NEGR1: variants seen among roughly 807,000 people sequenced by gnomAD.
NEGR1 encodes neuronal growth regulator 1, also known as IgLON family member 4.
NEGR1 carries 10 observed loss-of-function variants against 40.9 expected under a neutral mutation model. The ratio of observed to expected loss-of-function variants is 0.24; its 90% CI spans 0.15 to 0.42. The LOEUF is 0.42. Ranked by LOEUF, NEGR1 falls within the 10% of genes least tolerant of loss-of-function variation. The probability of loss-of-function intolerance (pLI) is 1.00; values close to 1 mark genes in which losing one functional copy is unlikely to be tolerated. For synonymous variants in NEGR1, 185 were observed against 166.8 expected, an observed-to-expected ratio of 1.11 and a Z score of -0.84; for missense variants, 352 against 438.9, an observed-to-expected ratio of 0.80 and a Z score of 1.77.
chr1:71,700,868 C>T (rs926009844), intron 3 of NEGR1, among the ~76,000 whole-genome samples: 4 of 151,584 alleles, frequency 2.6e-5, no homozygotes, highest in Non-Finnish European at 5.9e-5. Flanking sequence ...TGCATGAATT[C>T]GTAAAAGTAG....
chr1:71,757,866 G>A (rs924789207), intron 3 of NEGR1, among the ~76,000 whole-genome samples: 1 of 152,016 alleles, frequency 6.6e-6, no homozygotes, highest in South Asian at 2.1e-4. Context: ...TATTCATCAC[G>A]ATCTTTTATT....
chr1:71,692,862 T>G (rs1432068684), intron 4 of NEGR1, among the ~76,000 whole-genome samples: 1 of 151,816 alleles, frequency 6.6e-6, no homozygotes, highest in East Asian at 1.9e-4. Context: ...ACTTTCCTAT[T>G]TATTTGATCA....
intron 5 of NEGR1, among the ~76,000 whole-genome samples, chr1:71,595,155 CTG>C (rs1246500761): frequency 1.3e-5 from 2 of 152,194 alleles, no homozygotes; most frequent in Non-Finnish European, 2.9e-5. Context: ...CATCCATACT[CTG>C]TATGTGTGGG....
At chr1:71,619,078 TA>T (rs1284136655) in intron 4 of NEGR1, among the ~76,000 whole-genome samples, 2 of 152,158 alleles carry the variant, frequency 1.3e-5, no homozygotes, top group Non-Finnish European at 2.9e-5. Flanking sequence ...ATTTGTGCCA[TA>T]AGGATATGGT....
chr1:72,175,770 C>G (rs1168071269), intron 1 of NEGR1, among the ~76,000 whole-genome samples: 1 of 151,916 alleles, frequency 6.6e-6, no homozygotes. Context: ...TATTACAGAA[C>G]CAGACAGCAA....
At position 71,543,560 on chromosome 1, in the gene NEGR1, A is replaced by G. The variant is rs139282233; in HGVS notation, c.940+49257T>C. On this transcript the variant is annotated intron_variant, in intron 6 of 6. Coordinates refer to ENST00000357731, the MANE Select transcript of NEGR1 (RefSeq NM_173808.3). ...GATTCCTTATCAACAGAAAGAAAACATAATGTGGGAGGGCATAATGAGTTG... is the reference window on the plus strand; with the variant it reads ...GATTCCTTATCAACAGAAAGAAAACGTAATGTGGGAGGGCATAATGAGTTG... 4.7e-4 allele frequency among the ~76,000 whole-genome samples: 72 copies of G among 151,872 alleles called. 1 individual carries two copies. Among genetic ancestry groups the G allele is most frequent in the Non-Finnish European group, 7.2e-4 (49 of 67,802 alleles).
chr1:71,764,916 T>C (rs1310006046), intron 3 of NEGR1, among the ~76,000 whole-genome samples: 2 of 152,088 alleles, frequency 1.3e-5, no homozygotes, highest in African/African-American at 4.8e-5. Context: ...CATTTCGCAA[T>C]CGGATTGTGA....
chr1:71,870,312 A>C (rs1660243379), intron 2 of NEGR1, among the ~76,000 whole-genome samples: 3 of 152,342 alleles, frequency 2.0e-5, no homozygotes, highest in East Asian at 1.9e-4. Context: ...AAAAAGCTAT[A>C]GTTTTTGAAA....
At chr1:72,171,897 A>C (rs1346054974) in intron 1 of NEGR1, among the ~76,000 whole-genome samples, 1 of 152,198 alleles carries the variant, frequency 6.6e-6, no homozygotes, top group African/African-American at 2.4e-5. Flanking sequence ...TTCTCAGGTC[A>C]TTAAACAGTT....
At chr1:71,815,458 C>A (rs368374783) in intron 2 of NEGR1, among the ~76,000 whole-genome samples, 1 of 152,006 alleles carries the variant, frequency 6.6e-6, no homozygotes, top group African/African-American at 2.4e-5. Flanking sequence ...TCCTAAATAT[C>A]CTTGTTAATT....
intron 1 of NEGR1, among the ~76,000 whole-genome samples, chr1:72,174,920 TAGTC>T: frequency 6.6e-6 from 1 of 152,018 alleles, no homozygotes; most frequent in Admixed American, 6.6e-5. Context: ...CTCTGAGACT[TAGTC>T]ATTTTATCTA....
intron 2 of NEGR1, among the ~76,000 whole-genome samples, chr1:71,789,139 C>G (rs1657020835): frequency 6.6e-6 from 1 of 152,066 alleles, no homozygotes; most frequent in African/African-American, 2.4e-5. Context: ...GGAGGCTGGA[C>G]AAGATGAGGA....
At chr1:71,693,969 A>C (rs968696683) in intron 4 of NEGR1, among the ~76,000 whole-genome samples, 11 of 151,768 alleles carry the variant, frequency 7.2e-5, no homozygotes, top group Non-Finnish European at 1.5e-4. Context: ...GATTTCTAAT[A>C]AATCAGCTTT....
chr1:72,072,394 CG>C (rs34503171), intron 1 of NEGR1, among the ~76,000 whole-genome samples: 4 of 151,836 alleles, frequency 2.6e-5, no homozygotes, highest in African/African-American at 7.3e-5. Context: ...TTTCTCATGC[CG>C]GGGGACAGCT....
At chr1:71,905,878 AAAG>A (rs1397386006) in intron 2 of NEGR1, among the ~76,000 whole-genome samples, 81 of 151,882 alleles carry the variant, frequency 5.3e-4, no homozygotes, top group Non-Finnish European at 1.0e-3. Context: ...AAAAAAAAAA[AAAG>A]AAAGGCTGAG....
chr1:71,878,090 A>G (rs138792461), intron 2 of NEGR1, among the ~76,000 whole-genome samples: 184 of 152,262 alleles, frequency 1.2e-3, no homozygotes, highest in African/African-American at 4.2e-3. Context: ...GACTCTTACT[A>G]TTTTATATTT....
At chr1:72,226,976 T>C (rs1345565558) in intron 1 of NEGR1, among the ~76,000 whole-genome samples, 1 of 152,020 alleles carries the variant, frequency 6.6e-6, no homozygotes, top group Non-Finnish European at 1.5e-5. Context: ...CAGAACAAAA[T>C]GGAACCTATA....
intron 3 of NEGR1, among the ~76,000 whole-genome samples, chr1:71,713,244 C>T (rs981106843): frequency 1.3e-5 from 2 of 152,248 alleles, no homozygotes; most frequent in African/African-American, 2.4e-5. Context: ...TCTGCCATAT[C>T]GATGTGTCTA....
chr1:72,150,538 G>A (rs558389984), intron 1 of NEGR1, among the ~76,000 whole-genome samples: 6 of 152,236 alleles, frequency 3.9e-5, no homozygotes, highest in African/African-American at 1.2e-4. Flanking sequence ...GATGATACAT[G>A]AAAATACAGT....
Sources: gnomAD v4.1 joint callset for allele counts (sites outside exome capture counted in the v4.1 genomes callset) on GRCh38, gnomAD v4.1.1 for gene constraint, MANE v1.5 for transcripts, NCBI Gene and HGNC (gene_info 2026-07-23, HGNC 2026-07-21) for gene names.